The following ANKRD24 variants were observed in gnomAD, a reference collection of about 807,000 sequenced individuals.
ANKRD24 encodes the protein ankyrin repeat domain 24, also known as ankyrin repeat domain-containing protein 24.
A neutral mutation model predicts 127.8 loss-of-function variants in ANKRD24; 109 were observed. The ratio of observed to expected loss-of-function variants is 0.85; its 90% CI spans 0.73 to 1.00. ANKRD24 has a LOEUF of 1.00. Among genes scored for constraint, ANKRD24 ranks in the 50% least tolerant of loss-of-function variants. ANKRD24 has a pLI of 0.00. For synonymous variants in ANKRD24, 743 were observed against 671.1 expected, an observed-to-expected ratio of 1.11 and a Z score of -1.66; for missense variants, 1,648 against 1,570.2, an observed-to-expected ratio of 1.05 and a Z score of -0.84.
At chr19:4,202,193 T>C in intron 6 of ANKRD24, 103 bp downstream of exon 6, 1 of 1,122,138 alleles carries the variant, frequency 8.9e-7, no homozygotes, top group South Asian at 1.3e-5. Context: ...AGATATTCCT[T>C]GGCCCCTTTT....
chr19:4,216,443 G>A (rs780621372), intron 17 of ANKRD24, 41 bp downstream of exon 17: 1 of 1,556,820 alleles, frequency 6.4e-7, no homozygotes, highest in South Asian at 1.2e-5. Context: ...AGGACCTAGG[G>A]CTGGTTCCCT....
rs915355804 is a variant in ANKRD24, at chr19:4,198,171, C to A, written c.37-1512C>A. ...CCGGCGGCCTGCGCTGGTGAGGGAGCCGGGCCCCCGGCGCCGCGTCCTCCT... is the reference window on the plus strand; with the variant it reads ...CCGGCGGCCTGCGCTGGTGAGGGAGACGGGCCCCCGGCGCCGCGTCCTCCT... On this transcript the variant is annotated intron_variant, in intron 2 of 21. Transcript: ENST00000318934. This position sits in a 1 kb window ranked among gnomAD's most constrained non-coding sequence, Gnocchi z 6.1. 3.5e-6 allele frequency: 2 copies of A among 565,318 alleles called. No individual in the cohort carries two copies. The highest frequency in any genetic ancestry group is 3.2e-5 in the Admixed American group (1 of 30,956). 35.0% of individuals were successfully genotyped at this position (565,318 alleles called of 1,614,324 possible).
rs755217002 is a variant in ANKRD24, at chr19:4,207,767, C to A, written c.645-14C>A. ...GGATGTTCTCATCTCCTCAGTAGCC[C>A]CCTCCCCTGGTAGGACGGCCCTGAT... On this transcript the variant is annotated splice_polypyrimidine_tract_variant and intron_variant, in intron 9 of 21. Coordinates refer to ENST00000318934, the MANE Select transcript of ANKRD24 (RefSeq NM_001393985.1). The A allele has an allele frequency of 6.4e-7, 1 of 1,565,634 alleles. No individual in the cohort carries two copies. Among genetic ancestry groups the A allele is most frequent in the Non-Finnish European group, 8.7e-7 (1 of 1,154,302 alleles).
chr19:4,213,316 CCCTCCTTCCCTTCCTT>C (rs1413765366), intron 15 of ANKRD24, among the ~76,000 whole-genome samples: 2 of 147,682 alleles, frequency 1.4e-5, no homozygotes, highest in Non-Finnish European at 3.0e-5. Flanking sequence ...TTCCCTCCCT[CCCTCCTTCCCTTCCTT>C]CCTTTCCTTC....
chr19:4,189,740 C>G (rs1175896667), intron 2 of ANKRD24, among the ~76,000 whole-genome samples: 1 of 152,034 alleles, frequency 6.6e-6, no homozygotes, highest in Non-Finnish European at 1.5e-5. Flanking sequence ...ATGTGCTTTG[C>G]AGGTGTCAGC....
intron 10 of ANKRD24, 129 bp from the exon 11 acceptor site, chr19:4,208,635 G>A (rs993570628): frequency 4.8e-6 from 4 of 827,978 alleles, no homozygotes; most frequent in East Asian, 2.7e-5. Context: ...CTACCCAAGC[G>A]CCAGATTTCT....
chr19:4,223,728 C>T (rs965536759), intron 20 of ANKRD24, among the ~76,000 whole-genome samples: 1 of 152,058 alleles, frequency 6.6e-6, no homozygotes, highest in African/African-American at 2.4e-5. Context: ...CCACTCCCGG[C>T]TAATTTTTTT....
At chr19:4,210,849 T>C (rs916654373) in intron 13 of ANKRD24, among the ~76,000 whole-genome samples, 3 of 151,798 alleles carry the variant, frequency 2.0e-5, no homozygotes, top group African/African-American at 7.3e-5. Flanking sequence ...TGTTTTGTTT[T>C]TGAGACGGAG....
At position 4,203,707 on chromosome 19, in the gene ANKRD24, C is replaced by T. The variant is rs374668930; in HGVS notation, c.466+781C>T. ...TGTCGCCCAGGGTGGAGTGCAATGG[C>T]GCAATCTTGGCTCACTGCAACCTCC... On this transcript the variant is annotated intron_variant, in intron 7 of 21. Coordinates refer to ENST00000318934, the MANE Select transcript of ANKRD24 (RefSeq NM_001393985.1). Among the ~76,000 whole-genome samples, 18 of 151,632 alleles carry T rather than the reference C, an allele frequency of 1.2e-4. No homozygotes were observed. The East Asian group carries it at 1.6e-3, about 13-fold the overall frequency.
intron 1 of ANKRD24, among the ~76,000 whole-genome samples, chr19:4,184,652 C>A (rs1443550958): frequency 6.6e-6 from 1 of 152,208 alleles, no homozygotes; most frequent in East Asian, 1.9e-4. Flanking sequence ...AGCCTGTGAA[C>A]TCCTCTGTTG....
In ANKRD24 at chr19:4,210,353, A is replaced by C; in HGVS notation, c.1040A>C (p.Lys347Thr). The change falls in exon 13 of 22, where the codon AAG becomes ACG. Residue 347 changes from lysine (K) to threonine (T), a missense_variant. Physicochemically the swap from Lys to Thr is moderately conservative, Grantham distance 78. Transcript: ENST00000318934. ...AAGATCCGGGGCCTGGAACAGCACA[A>C]GGAACGGAGGCAGCAGGAGGTTAGG... ...LQKIRGLEQH[K>T]ERRQQESPEA... The C allele has an allele frequency of 6.4e-7, 1 of 1,567,572 alleles. No homozygotes were observed. The highest frequency in any genetic ancestry group is 8.6e-7 in the Non-Finnish European group (1 of 1,156,814).
chr19:4,185,000 GTGGT>G (rs1445067176), intron 1 of ANKRD24, among the ~76,000 whole-genome samples: 2 of 138,348 alleles, frequency 1.4e-5, no homozygotes, highest in African/African-American at 5.7e-5. Flanking sequence ...GGATGGATTG[GTGGT>G]TGGGTGGGTG....
rs199779504 is a variant in ANKRD24 at position 4,219,625 on chromosome 19, G to A, written c.3038G>A (p.Arg1013Gln). The stretch of plus-strand genomic sequence containing the variant: ...GAGGCCCTGTTCATGAAGAGTGAGC[G>A]ACACGCAGCCGAGGCACAGCTGGCC... ...QREALFMKSE[R>Q]HAAEAQLATA... Residue 1013 changes from arginine to glutamine, a missense_variant, in exon 19 of 22, where the codon CGA becomes CAA. Physicochemically the swap from Arg to Gln is conservative, Grantham distance 43 (BLOSUM62 1). Transcript: ENST00000318934. The A allele has an allele frequency of 3.8e-4, 616 of 1,613,464 alleles. 8 individuals carry two copies. In the East Asian group the frequency reaches 0.013, roughly 33 times the overall value.
intron 7 of ANKRD24, among the ~76,000 whole-genome samples, 193 bp downstream of exon 7, chr19:4,203,119 C>T (rs1969188729): frequency 1.3e-5 from 2 of 151,876 alleles, no homozygotes; most frequent in Non-Finnish European, 2.9e-5. Flanking sequence ...AAGATCTCAG[C>T]TCACTGTAAC....
intron 15 of ANKRD24, among the ~76,000 whole-genome samples, chr19:4,213,246 CTTCCTTTCCTTCT>C (rs1328330288): frequency 1.1e-5 from 1 of 93,086 alleles, no homozygotes; most frequent in African/African-American, 4.4e-5. Flanking sequence ...TCCCTCCTTC[CTTCCTTTCCTTCT>C]TTCCTTTCCT....
At chr19:4,209,863 A>G (rs540324152) in intron 11 of ANKRD24, among the ~76,000 whole-genome samples, 195 bp from the exon 12 acceptor site, 1 of 152,212 alleles carries the variant, frequency 6.6e-6, no homozygotes, top group Admixed American at 6.5e-5. Flanking sequence ...GTAAAGAGTA[A>G]GATCTGGAAC....
chr19:4,210,196 G>A lies in ANKRD24; in HGVS notation c.951+58G>A, dbSNP rs545438375. ...GGGGAGCCCCCAGGCACGGGGAGGG[G>A]CTCTGGCTGAGACCTGGGATGGGGC... On this transcript the variant is annotated intron_variant, in intron 12 of 21. Transcript: ENST00000318934. 1,078 of 1,567,086 alleles carry A rather than the reference G, an allele frequency of 6.9e-4. 12 individuals carry two copies. In the South Asian group the frequency reaches 0.011, roughly 16 times the overall value.
intron 15 of ANKRD24, among the ~76,000 whole-genome samples, chr19:4,213,164 C>T (rs1969846327): frequency 1.3e-5 from 2 of 152,140 alleles, no homozygotes; most frequent in Admixed American, 1.3e-4. Context: ...CACATGCACC[C>T]ATGCACATTT....
At chr19:4,208,216 AC>A (rs1969505926) in intron 10 of ANKRD24, among the ~76,000 whole-genome samples, 4 of 151,832 alleles carry the variant, frequency 2.6e-5, no homozygotes, top group South Asian at 4.2e-4. Flanking sequence ...TAAGAAGGGC[AC>A]CCCCTGCTGG....
Sources: gnomAD v4.1 joint callset for allele counts (sites outside exome capture counted in the v4.1 genomes callset) on GRCh38, gnomAD v4.1.1 for gene constraint, Gnocchi (gnomAD v3.1) non-coding constraint, MANE v1.5 for transcripts, NCBI Gene and HGNC (gene_info 2026-07-23, HGNC 2026-07-21) for gene names.